The following MED19 variants were observed in gnomAD, a reference collection of about 807,000 sequenced individuals.
The protein encoded by MED19 is mediator of RNA polymerase II transcription subunit 19.
MED19 carries 4 observed loss-of-function variants against 19.9 expected under a neutral mutation model. The ratio of observed to expected loss-of-function variants is 0.20; its 90% CI spans 0.10 to 0.46. The LOEUF (loss-of-function observed/expected upper bound fraction) is 0.46, where lower values mean the gene tolerates loss of function less well. Ranked by LOEUF, MED19 falls within the 20% of genes least tolerant of loss-of-function variation. MED19 has a pLI of 0.99. For missense variants in MED19, 303 were observed against 318.7 expected, an observed-to-expected ratio of 0.95 and a Z score of 0.38; for synonymous variants, 139 against 119.6, an observed-to-expected ratio of 1.16 and a Z score of -1.06.
chr11:57,704,453 G>A, intron 3 of MED19, 57 bp from the exon 4 acceptor site: 1 of 1,511,350 alleles, frequency 6.6e-7, no homozygotes, highest in Non-Finnish European at 8.9e-7. Context: ...CTACTGTTAT[G>A]AACCACTGAA....
exon 5 of MED19, chr11:57,703,888 A>G (rs1946477296): frequency 4.9e-6 from 6 of 1,224,478 alleles, no homozygotes; most frequent in Admixed American, 3.1e-5. Context: ...CTCCTAATTT[A>G]CTTAGTCTCA....
At chr11:57,706,824 CTT>C (rs1946513802) in intron 1 of MED19, among the ~76,000 whole-genome samples, 1 of 152,206 alleles carries the variant, frequency 6.6e-6, no homozygotes, top group South Asian at 2.1e-4. Flanking sequence ...TCAGTTTCCT[CTT>C]ATCTGTGGAA....
exon 1 of MED19, chr11:57,712,157 A>G: frequency 1.3e-6 from 2 of 1,530,282 alleles, no homozygotes; most frequent in Non-Finnish European, 1.8e-6. Context: ...CTGAGCCCCA[A>G]ACAGTGCCGT....
intron 1 of MED19, 126 bp downstream of exon 1, chr11:57,711,837 A>G: frequency 8.6e-6 from 9 of 1,045,700 alleles, no homozygotes; most frequent in Non-Finnish European, 1.2e-5. Flanking sequence ...CTTCCGACTT[A>G]GGGCTCCACA....
chr11:57,712,204 TC>T (rs1455414573), exon 1 of MED19: 1 of 1,495,314 alleles, frequency 6.7e-7, no homozygotes, highest in Non-Finnish European at 8.9e-7. Flanking sequence ...CGGCGCTGTC[TC>T]CGTGTCTGCC....
At chr11:57,708,982 T>C (rs1159444561) in intron 1 of MED19, among the ~76,000 whole-genome samples, 2 of 152,228 alleles carry the variant, frequency 1.3e-5, no homozygotes, top group Admixed American at 6.5e-5. Context: ...ATACTACTTA[T>C]ATTAAATACT....
chr11:57,710,903 C>T (rs753203194), intron 1 of MED19, among the ~76,000 whole-genome samples: 13 of 152,170 alleles, frequency 8.5e-5, no homozygotes, highest in Non-Finnish European at 1.9e-4. Context: ...CCATGTTGCC[C>T]ATGCTGGTCT....
At chr11:57,709,447 C>A (rs1946539546) in intron 1 of MED19, among the ~76,000 whole-genome samples, 2 of 152,080 alleles carry the variant, frequency 1.3e-5, no homozygotes, top group Non-Finnish European at 1.5e-5. Flanking sequence ...ATTTCCACCT[C>A]TTCAAACTTG....
chr11:57,710,623 C>T (rs1946559553), intron 1 of MED19, among the ~76,000 whole-genome samples: 1 of 152,164 alleles, frequency 6.6e-6, no homozygotes, highest in African/African-American at 2.4e-5. Context: ...TTTGTCTATG[C>T]TTACATTTTA....
intron 1 of MED19, among the ~76,000 whole-genome samples, chr11:57,706,279 C>T (rs566413332): frequency 7.1e-4 from 108 of 152,246 alleles, no homozygotes; most frequent in African/African-American, 2.6e-3. Context: ...TCCCAAGTAG[C>T]TGGGATCACA....
chr11:57,705,751 A>G (rs1460331236), intron 1 of MED19, among the ~76,000 whole-genome samples: 2 of 152,182 alleles, frequency 1.3e-5, no homozygotes, highest in East Asian at 1.9e-4. Flanking sequence ...CAAAAATCCA[A>G]TAGGGCAGAG....
At chr11:57,706,324 A>G (rs1946507311) in intron 1 of MED19, among the ~76,000 whole-genome samples, 1 of 151,950 alleles carries the variant, frequency 6.6e-6, no homozygotes, top group African/African-American at 2.4e-5. Context: ...ATTTTTTTCT[A>G]GTAGAGAAGG....
chr11:57,704,847 A>AGGGAGG, intron 2 of MED19, 32 bp from the exon 3 acceptor site: 1 of 1,611,840 alleles, frequency 6.2e-7, no homozygotes, highest in Non-Finnish European at 8.5e-7. Flanking sequence ...CCAGGTGAGT[A>AGGGAGG]GAGGGAGGAA....
intron 3 of MED19, 58 bp from the exon 4 acceptor site, chr11:57,704,454 AACCACTGAAG>A: frequency 6.5e-7 from 1 of 1,533,786 alleles, no homozygotes; most frequent in Non-Finnish European, 8.7e-7. Context: ...TACTGTTATG[AACCACTGAAG>A]ACTACAGGAA....
chr11:57,710,372 T>A (rs575970663), intron 1 of MED19, among the ~76,000 whole-genome samples: 20 of 152,252 alleles, frequency 1.3e-4, no homozygotes, highest in Admixed American at 3.9e-4. Context: ...TATAAAAAAA[T>A]TTTTTAAATG....
rs200073248 is a variant in MED19 at position 57,704,962 on chromosome 11, A to G, written c.474+11T>C. 4 of 1,611,004 alleles carry G rather than the reference A, an allele frequency of 2.5e-6. No individual in the cohort carries two copies. Among genetic ancestry groups the G allele is most frequent in the Non-Finnish European group, 3.4e-6 (4 of 1,178,390 alleles). ...CCTCCCCATTTGCCTTCTTCCTCCAACAGGACTCACCGGGCCAGTGTGGAG... is the reference window on the plus strand; with the variant it reads ...CCTCCCCATTTGCCTTCTTCCTCCAGCAGGACTCACCGGGCCAGTGTGGAG... On this transcript the variant is annotated intron_variant, in intron 2 of 4. Coordinates refer to ENST00000431606, the Ensembl canonical transcript of MED19.
At chr11:57,704,333 T>C (rs1229438877) in exon 4 of MED19, 1 of 1,535,572 alleles carries the variant, frequency 6.5e-7, no homozygotes. Context: ...CTTCTTCCTT[T>C]TCCGTTCAGG....
exon 1 of MED19, chr11:57,712,155 C>A: frequency 6.5e-7 from 1 of 1,531,390 alleles, no homozygotes; most frequent in Non-Finnish European, 8.8e-7. Context: ...GCCTGAGCCC[C>A]AAACAGTGCC....
At chr11:57,704,523 C>A in intron 3 of MED19, 127 bp from the exon 4 acceptor site, 2 of 1,584,158 alleles carry the variant, frequency 1.3e-6, no homozygotes, top group East Asian at 2.2e-5. Flanking sequence ...AGAAAGGATA[C>A]AGAGGTGCTG....
Sources: allele counts gnomAD v4.1 joint callset (sites outside exome capture counted in the v4.1 genomes callset), GRCh38; gene constraint gnomAD v4.1.1; transcripts MANE v1.5; gene names NCBI Gene and HGNC (gene_info 2026-07-23, HGNC 2026-07-21).